The following FCHSD2 variants were observed in gnomAD, a reference collection of about 807,000 sequenced individuals.
The protein encoded by FCHSD2 is F-BAR and double SH3 domains protein 2.
FCHSD2 carries 38 observed loss-of-function variants against 108.1 expected under a neutral mutation model. The ratio of observed to expected loss-of-function variants is 0.35; its 90% confidence interval spans 0.27 to 0.46. The LOEUF (loss-of-function observed/expected upper bound fraction) is 0.46, where lower values mean the gene tolerates loss of function less well. Among genes scored for constraint, FCHSD2 ranks in the 20% least tolerant of loss-of-function variants. The probability of loss-of-function intolerance (pLI) is 1.00; values close to 1 mark genes in which losing one functional copy is unlikely to be tolerated. For synonymous variants in FCHSD2, 279 were observed against 314.7 expected, an observed-to-expected ratio of 0.89 and a Z score of 1.20; for missense variants, 751 against 897.8, an observed-to-expected ratio of 0.84 and a Z score of 2.09.
chr11:73,082,335 C>CCAAAAAAAAAAA (rs1466695525), intron 3 of FCHSD2, among the ~76,000 whole-genome samples: 1 of 34,462 alleles, frequency 2.9e-5, no homozygotes, highest in African/African-American at 1.1e-4. Flanking sequence ...AGACTTGTCC[C>CCAAAAAAAAAAA]AAAAAAAAAA....
chr11:72,872,947 G>T (rs1021170240), intron 12 of FCHSD2, among the ~76,000 whole-genome samples: 2 of 152,164 alleles, frequency 1.3e-5, no homozygotes, highest in Non-Finnish European at 1.5e-5. Context: ...GCAAATGCTT[G>T]TTAATGTCTG....
intron 8 of FCHSD2, among the ~76,000 whole-genome samples, chr11:72,975,073 G>A (rs189850804): frequency 1.5e-4 from 23 of 152,258 alleles, no homozygotes. Context: ...AAAGAACTTG[G>A]CTTTCTGTTC....
chr11:72,949,174 C>A (rs759829691), intron 8 of FCHSD2, among the ~76,000 whole-genome samples: 17 of 152,004 alleles, frequency 1.1e-4, no homozygotes, highest in South Asian at 2.1e-4. Context: ...CCTGGCCGGG[C>A]GTGGTGGCTC....
At chr11:72,898,540 A>G (rs1174350411) in intron 10 of FCHSD2, among the ~76,000 whole-genome samples, 2 of 152,226 alleles carry the variant, frequency 1.3e-5, no homozygotes, top group Non-Finnish European at 2.9e-5. Context: ...TCCTATTACT[A>G]TCTTACCTGA....
rs1860769662 is a variant in FCHSD2 at position 72,837,585 on chromosome 11, C to T, written c.*1206G>A. On this transcript the variant is annotated 3_prime_UTR_variant, in exon 20 of 20. Transcript: ENST00000409418. ...GCACCTGACGTGGGGGCACCTGCTG[C>T]TGCAGGCTTGCTGGCCTGCAGAGAA... The T allele has an allele frequency of 6.6e-6, 1 of 152,212 alleles. No homozygotes were observed. The highest frequency in any genetic ancestry group is 1.5e-5 in the Non-Finnish European group (1 of 68,038). 9.4% of individuals were successfully genotyped at this position (152,212 alleles called of 1,614,324 possible).
At chr11:73,040,544 C>A (rs1591505449) in intron 3 of FCHSD2, among the ~76,000 whole-genome samples, 1 of 152,238 alleles carries the variant, frequency 6.6e-6, no homozygotes, top group East Asian at 1.9e-4. Context: ...GTGATACCTT[C>A]CCTTGTCAAT....
intron 3 of FCHSD2, among the ~76,000 whole-genome samples, chr11:73,066,892 A>G (rs1859307758): frequency 6.6e-6 from 1 of 152,212 alleles, no homozygotes; most frequent in African/African-American, 2.4e-5. Context: ...GTGGGAGTGT[A>G]AATTACTTCA....
At chr11:73,104,330 G>C (rs935981148) in intron 2 of FCHSD2, among the ~76,000 whole-genome samples, 1 of 151,796 alleles carries the variant, frequency 6.6e-6, no homozygotes, top group Non-Finnish European at 1.5e-5. Flanking sequence ...GCAGTGGTGC[G>C]ATCTCAGCTC....
chr11:73,019,578 G>T (rs2135437616), intron 3 of FCHSD2, among the ~76,000 whole-genome samples: 1 of 152,202 alleles, frequency 6.6e-6, no homozygotes, highest in East Asian at 1.9e-4. Context: ...GATGAGATGA[G>T]GGATTCATGA....
intron 11 of FCHSD2, among the ~76,000 whole-genome samples, chr11:72,889,067 G>A (rs1411740317): frequency 2.6e-5 from 4 of 152,070 alleles, no homozygotes; most frequent in African/African-American, 4.8e-5. Context: ...CCATTCTCCT[G>A]CCTCAACCTC....
Position 72,988,950 on chromosome 11 carries a change from G to GT in FCHSD2, c.521+13dup. 1 of 1,596,554 alleles carries GT rather than the reference G, an allele frequency of 6.3e-7. No individual in the cohort carries two copies. The highest frequency in any genetic ancestry group is 8.5e-7 in the Non-Finnish European group (1 of 1,170,902). Reference sequence around the variant, plus strand: ...TTTGCATAATAATTTTCTCAGAAATGTTAAAACACATACTTTGCCTCGATG... The same window carrying GT: ...TTTGCATAATAATTTTCTCAGAAATGTTTAAAACACATACTTTGCCTCGATG... On this transcript the variant is annotated intron_variant, in intron 6 of 19. Coordinates refer to ENST00000409418, the MANE Select transcript of FCHSD2 (RefSeq NM_014824.3).
intron 3 of FCHSD2, among the ~76,000 whole-genome samples, chr11:73,064,476 C>CAA (rs200735136): frequency 1.4e-5 from 2 of 141,008 alleles, no homozygotes; most frequent in African/African-American, 5.2e-5. Context: ...AAAAACCCTT[C>CAA]AAAAAAAAAA....
chr11:72,909,983 C>T (rs572538612), intron 9 of FCHSD2, among the ~76,000 whole-genome samples: 1 of 146,280 alleles, frequency 6.8e-6, no homozygotes, highest in East Asian at 2.1e-4. Context: ...GTGAGGAGCA[C>T]CTCTGCCCGG....
intron 14 of FCHSD2, among the ~76,000 whole-genome samples, chr11:72,845,437 C>CAA (rs755929012): frequency 3.2e-4 from 26 of 81,898 alleles, no homozygotes; most frequent in Non-Finnish European, 4.7e-4. Context: ...GACCCTGTCT[C>CAA]AAAAAAAAAA....
At chr11:72,983,864 T>C (rs1327798837) in intron 8 of FCHSD2, 2 of 628,744 alleles carry the variant, frequency 3.2e-6, no homozygotes, top group Non-Finnish European at 5.9e-6. Context: ...TAGGGAATAA[T>C]ATAATCCTTT....
intron 8 of FCHSD2, among the ~76,000 whole-genome samples, chr11:72,975,920 C>T (rs758666584): frequency 2.0e-5 from 3 of 152,170 alleles, no homozygotes; most frequent in Non-Finnish European, 4.4e-5. Context: ...CTATGACACA[C>T]TGTATCTCAT....
intron 2 of FCHSD2, among the ~76,000 whole-genome samples, chr11:73,106,915 T>C (rs1034049638): frequency 6.6e-6 from 1 of 152,178 alleles, no homozygotes; most frequent in Non-Finnish European, 1.5e-5. Context: ...TCTCAGAATA[T>C]ATCCCTGACA....
intron 5 of FCHSD2, among the ~76,000 whole-genome samples, chr11:72,992,633 A>T (rs1857438919): frequency 6.6e-6 from 1 of 152,156 alleles, no homozygotes; most frequent in Non-Finnish European, 1.5e-5. Flanking sequence ...TCTTTGACAA[A>T]CCTGACAAAA....
intron 2 of FCHSD2, among the ~76,000 whole-genome samples, chr11:73,123,853 T>C (rs1860791371): frequency 1.3e-5 from 2 of 152,198 alleles, no homozygotes; most frequent in Non-Finnish European, 2.9e-5. Flanking sequence ...TTTCAGCCCT[T>C]GATCCACTAT....
Sources: allele counts gnomAD v4.1 joint callset (sites outside exome capture counted in the v4.1 genomes callset), GRCh38; gene constraint gnomAD v4.1.1; transcripts MANE v1.5; gene names NCBI Gene and HGNC (gene_info 2026-07-23, HGNC 2026-07-21).